The following SLC4A10 variants were observed in gnomAD, a reference collection of about 807,000 sequenced individuals.
SLC4A10 encodes the protein sodium-driven chloride bicarbonate exchanger.
SLC4A10 carries 42 observed loss-of-function variants against 137.7 expected under a neutral mutation model. That is an observed-to-expected ratio of 0.30 (90% CI 0.24 to 0.39). The LOEUF (loss-of-function observed/expected upper bound fraction) is 0.39, where lower values mean the gene tolerates loss of function less well. Among genes scored for constraint, SLC4A10 ranks in the 10% least tolerant of loss-of-function variants. The pLI is 1.00. For missense variants in SLC4A10, 925 were observed against 1,355.0 expected, an observed-to-expected ratio of 0.68 and a Z score of 4.98; for synonymous variants, 474 against 464.1, an observed-to-expected ratio of 1.02 and a Z score of -0.27.
At chr2:161,857,719 T>C (rs1251450859) in intron 5 of SLC4A10, among the ~76,000 whole-genome samples, 1 of 152,192 alleles carries the variant, frequency 6.6e-6, no homozygotes, top group African/African-American at 2.4e-5. Flanking sequence ...GCTTTCCGTT[T>C]TTAAGACTTC....
At chr2:161,723,999 G>A (rs1315817044) in intron 1 of SLC4A10, among the ~76,000 whole-genome samples, 1 of 152,154 alleles carries the variant, frequency 6.6e-6, no homozygotes, top group African/African-American at 2.4e-5. Context: ...TCTTCAAAAT[G>A]TTTTTGTCTT....
At chr2:161,955,810 G>A (rs543404424) in intron 19 of SLC4A10, among the ~76,000 whole-genome samples, 85 of 152,190 alleles carry the variant, frequency 5.6e-4, no homozygotes, top group Admixed American at 4.1e-3. Flanking sequence ...CTCTAAAAAA[G>A]ACTATTATTC....
intron 1 of SLC4A10, among the ~76,000 whole-genome samples, chr2:161,755,324 G>A (rs184093739): frequency 6.6e-6 from 1 of 152,140 alleles, no homozygotes; most frequent in Admixed American, 6.6e-5. Context: ...TTTCCAAACT[G>A]AGATTAATTT....
intron 1 of SLC4A10, among the ~76,000 whole-genome samples, chr2:161,733,606 G>A (rs1430758950): frequency 6.6e-6 from 1 of 152,220 alleles, no homozygotes; most frequent in Non-Finnish European, 1.5e-5. Flanking sequence ...GTCCCTACTG[G>A]GGCACTGCCT....
intron 23 of SLC4A10, among the ~76,000 whole-genome samples, chr2:161,972,681 A>G (rs1237435937): frequency 6.6e-6 from 1 of 152,244 alleles, no homozygotes; most frequent in Non-Finnish European, 1.5e-5. Flanking sequence ...GAAAACAAAT[A>G]CAATATAGAG....
At chr2:161,652,209 C>A (rs896993796) in intron 1 of SLC4A10, among the ~76,000 whole-genome samples, 12 of 152,298 alleles carry the variant, frequency 7.9e-5, no homozygotes, top group Admixed American at 7.8e-4. Flanking sequence ...ATTATTTGTA[C>A]TTTTTGTTCT....
chr2:161,964,124 T>C lies in SLC4A10; in HGVS notation c.2863-11T>C. 6.3e-7 allele frequency: 1 copy of C among 1,584,370 alleles called. No homozygotes were observed. The highest frequency in any genetic ancestry group is 8.6e-7 in the Non-Finnish European group (1 of 1,163,910). The stretch of plus-strand genomic sequence containing the variant: ...ACACCTAAAAACAATTTAGTCTGTT[T>C]AATCTTTTAGTTCTTTGATAGGATA... On this transcript the variant is annotated splice_polypyrimidine_tract_variant and intron_variant, in intron 21 of 26. Coordinates refer to ENST00000446997, the MANE Select transcript of SLC4A10 (RefSeq NM_001178015.2).
chr2:161,963,563 G>A (rs1697089926), intron 21 of SLC4A10, among the ~76,000 whole-genome samples: 1 of 152,114 alleles, frequency 6.6e-6, no homozygotes, highest in African/African-American at 2.4e-5. Flanking sequence ...GGGGATTAAA[G>A]GGACAAAGTC....
intron 26 of SLC4A10, among the ~76,000 whole-genome samples, chr2:161,979,399 G>C (rs1699880376): frequency 6.6e-6 from 1 of 152,132 alleles, no homozygotes; most frequent in Non-Finnish European, 1.5e-5. Flanking sequence ...TTTATATTTA[G>C]ATATAACCAC....
At chr2:161,938,574 C>A (rs1390870918) in intron 15 of SLC4A10, among the ~76,000 whole-genome samples, 1 of 151,096 alleles carries the variant, frequency 6.6e-6, no homozygotes, top group Non-Finnish European at 1.5e-5. Flanking sequence ...CTATAACATG[C>A]TAGGCTGCCT....
intron 20 of SLC4A10, 61 bp from the exon 21 acceptor site, chr2:161,958,426 A>T: frequency 7.0e-7 from 1 of 1,437,052 alleles, no homozygotes. Context: ...TCTTTGATAA[A>T]TGCAAAACCA....
At chr2:161,630,080 A>G (rs533929090) in intron 1 of SLC4A10, among the ~76,000 whole-genome samples, 1 of 151,780 alleles carries the variant, frequency 6.6e-6, no homozygotes, top group African/African-American at 2.4e-5. Context: ...ATTGTATAAG[A>G]GTATTTAGTA....
chr2:161,982,679 G>A (rs1366737963), intron 26 of SLC4A10, among the ~76,000 whole-genome samples: 1 of 152,208 alleles, frequency 6.6e-6, no homozygotes, highest in Non-Finnish European at 1.5e-5. Context: ...CTCCAGGCCA[G>A]TGGAGCTGTC....
At chr2:161,764,865 C>T (rs538957080) in intron 1 of SLC4A10, among the ~76,000 whole-genome samples, 10 of 152,164 alleles carry the variant, frequency 6.6e-5, no homozygotes, top group African/African-American at 2.4e-4. Context: ...AAAATTCTTC[C>T]GTTCCTAAAC....
At chr2:161,750,293 G>A (rs978798229) in intron 1 of SLC4A10, among the ~76,000 whole-genome samples, 1 of 151,466 alleles carries the variant, frequency 6.6e-6, no homozygotes, top group Non-Finnish European at 1.5e-5. Flanking sequence ...CTAACATTGG[G>A]TTTAGTCTGT....
At chr2:161,836,580 GAAAGAAAGAAAGAAAGA>G (rs1249970639) in intron 3 of SLC4A10, among the ~76,000 whole-genome samples, 3 of 104,170 alleles carry the variant, frequency 2.9e-5, no homozygotes, top group African/African-American at 7.7e-5. Context: ...AAGAAAGAAA[GAAAGAAAGAAAGAAAGA>G]AAGGAAGGAA....
rs2034540523 is a variant in SLC4A10 at position 161,637,092 on chromosome 2, TAC to T, written c.48+12527_48+12528del. On this transcript the variant is annotated intron_variant, in intron 1 of 26. Coordinates refer to ENST00000446997, the MANE Select transcript of SLC4A10 (RefSeq NM_001178015.2). ...ATATACATAAATACGTATATACATA[TAC>T]GTATATACGTATTTATGTATATATA... is the stretch of plus-strand genomic sequence containing the variant. Among the ~76,000 whole-genome samples, 7 of 125,146 alleles carry T rather than the reference TAC, an allele frequency of 5.6e-5. 1 individual carries two copies. In the East Asian group the frequency reaches 7.8e-4, roughly 14 times the overall value. 82.1% of individuals were successfully genotyped at this position (125,146 alleles called of 152,430 possible). A position where few individuals can be genotyped will look rare whatever the true frequency, so the allele number is the denominator to read the frequency against.
At chr2:161,892,452 A>G (rs1227330519) in intron 10 of SLC4A10, among the ~76,000 whole-genome samples, 1 of 151,900 alleles carries the variant, frequency 6.6e-6, no homozygotes, top group South Asian at 2.1e-4. Context: ...CAACTAAACC[A>G]TTAATGGATC....
intron 1 of SLC4A10, among the ~76,000 whole-genome samples, chr2:161,657,477 T>C (rs1206304884): frequency 2.0e-5 from 3 of 152,188 alleles, no homozygotes; most frequent in Non-Finnish European, 2.9e-5. Context: ...AACCTACTCT[T>C]CATATTTTAT....
Sources: allele counts gnomAD v4.1 joint callset (sites outside exome capture counted in the v4.1 genomes callset), GRCh38; gene constraint gnomAD v4.1.1; transcripts MANE v1.5; gene names NCBI Gene and HGNC (gene_info 2026-07-23, HGNC 2026-07-21).